PRKAR1B: variants seen among roughly 807,000 people sequenced by gnomAD.
PRKAR1B encodes the protein protein kinase cAMP-dependent type I regulatory subunit beta, also known as cAMP-dependent protein kinase type I-beta regulatory subunit.
PRKAR1B carries 22 observed loss-of-function variants against 46.5 expected under a neutral mutation model. The observed-to-expected ratio is 0.47, with a 90% CI of 0.34 to 0.68. The LOEUF (loss-of-function observed/expected upper bound fraction) is 0.68, where lower values mean the gene tolerates loss of function less well. PRKAR1B is among the 30% of genes least tolerant of loss of function. The pLI is 0.01. For missense variants in PRKAR1B, 445 were observed against 535.6 expected, an observed-to-expected ratio of 0.83 and a Z score of 1.67; for synonymous variants, 259 against 217.7, an observed-to-expected ratio of 1.19 and a Z score of -1.67.
chr7:583,511 C>T (rs534703141), intron 8 of PRKAR1B, among the ~76,000 whole-genome samples: 13 of 59,852 alleles, frequency 2.2e-4, no homozygotes, highest in East Asian at 6.0e-4. Context: ...CCATACACAC[C>T]CACACACGCG....
intron 2 of PRKAR1B, among the ~76,000 whole-genome samples, chr7:683,513 C>G (rs1185134492): frequency 1.3e-5 from 2 of 152,204 alleles, no homozygotes; most frequent in Non-Finnish European, 2.9e-5. Context: ...AGCCATTCCT[C>G]CTGTTCCAGG....
chr7:653,246 G>T (rs77306012), intron 4 of PRKAR1B, among the ~76,000 whole-genome samples: 9 of 152,174 alleles, frequency 5.9e-5, no homozygotes, highest in African/African-American at 1.9e-4. Context: ...CCAATGTCAA[G>T]TACACCATAG....
chr7:597,100 C>T (rs1198424202), intron 6 of PRKAR1B, among the ~76,000 whole-genome samples: 1 of 152,250 alleles, frequency 6.6e-6, no homozygotes, highest in South Asian at 2.1e-4. Context: ...ATGCAGATTC[C>T]GTTACTATAA....
chr7:607,836 A>G, intron 4 of PRKAR1B: 1 of 209,768 alleles, frequency 4.8e-6, no homozygotes, highest in East Asian at 1.6e-4. Flanking sequence ...AATCTTGATG[A>G]CATGTTTTCT....
At chr7:586,360 C>T (rs887863716) in intron 7 of PRKAR1B, among the ~76,000 whole-genome samples, 1 of 152,008 alleles carries the variant, frequency 6.6e-6, no homozygotes, top group South Asian at 2.1e-4. Context: ...ATAGGGCTGA[C>T]GGATCCAACT....
intron 4 of PRKAR1B, among the ~76,000 whole-genome samples, chr7:669,004 C>T (rs1452311950): frequency 6.6e-6 from 1 of 152,074 alleles, no homozygotes; most frequent in Non-Finnish European, 1.5e-5. Flanking sequence ...GCCCAGGAGA[C>T]TCAAACAGAC....
chr7:679,634 T>C lies in PRKAR1B; in HGVS notation c.348+922A>G, dbSNP rs539899380. 5.9e-5 allele frequency among the ~76,000 whole-genome samples: 9 copies of C among 152,322 alleles called. No individual in the cohort carries two copies. The South Asian group carries it at 1.7e-3, about 28-fold the overall frequency. On this transcript the variant is annotated intron_variant, in intron 3 of 10. Transcript: ENST00000537384. ...CAAGGTAAGAAGGTTCTGGAGATGG[T>C]GGTGGTGATGATTCCACAACAATGA...
rs1583236507 is a variant in PRKAR1B, at chr7:579,112, C to T, written c.891+144G>A. 7.1e-6 allele frequency: 11 copies of T among 1,541,620 alleles called. No individual in the cohort carries two copies. In the East Asian group the frequency reaches 2.3e-4, roughly 32 times the overall value. ...AATGTGAGGCCACAGACCACCCACCCCATGGAGGCCCCGGACGGGCGTGCG... is the reference window on the plus strand; with the variant it reads ...AATGTGAGGCCACAGACCACCCACCTCATGGAGGCCCCGGACGGGCGTGCG... On this transcript the variant is annotated intron_variant, in intron 9 of 10. Transcript: ENST00000537384.
At chr7:615,318 G>A (rs930893672) in intron 4 of PRKAR1B, among the ~76,000 whole-genome samples, 3 of 151,232 alleles carry the variant, frequency 2.0e-5, no homozygotes, top group Non-Finnish European at 4.4e-5. Flanking sequence ...CCAGCTACCC[G>A]GGAGGCTGAG....
intron 4 of PRKAR1B, among the ~76,000 whole-genome samples, chr7:614,300 G>A (rs944058933): frequency 2.6e-5 from 4 of 152,248 alleles, no homozygotes; most frequent in African/African-American, 7.2e-5. Context: ...TCAGCTCCAA[G>A]ATGGTGGAAC....
intron 9 of PRKAR1B, among the ~76,000 whole-genome samples, chr7:564,516 G>A (rs942747569): frequency 1.3e-5 from 2 of 152,178 alleles, no homozygotes; most frequent in African/African-American, 4.8e-5. Flanking sequence ...TCCTCTCCAC[G>A]TGGGCAGTCA....
Position 633,410 on chromosome 7 carries a change from C to G in PRKAR1B, c.441-25958G>C, listed in dbSNP as rs539712283. Among the ~76,000 whole-genome samples, 34 of 152,266 alleles carry G rather than the reference C, an allele frequency of 2.2e-4. No homozygotes were observed. The South Asian group carries it at 7.1e-3, about 32-fold the overall frequency. On this transcript the variant is annotated intron_variant, in intron 4 of 10. Coordinates refer to ENST00000537384, the MANE Select transcript of PRKAR1B (RefSeq NM_001164760.2). ...GAAGGCGGCAAGACTTCTGTAATAT[C>G]CCACGACTTGGGAGCCATATTAGTA...
At chr7:720,748 A>C (rs962148839) in intron 1 of PRKAR1B, among the ~76,000 whole-genome samples, 1 of 152,166 alleles carries the variant, frequency 6.6e-6, no homozygotes, top group African/African-American at 2.4e-5. Context: ...TTTCCCAAGG[A>C]ATTTCAACAG....
In PRKAR1B at chr7:714,319, G is replaced by A. The variant is rs947714219; in HGVS notation, c.-22-2792C>T. Among the ~76,000 whole-genome samples the A allele has an allele frequency of 3.9e-5, 6 of 152,142 alleles. No individual in the cohort carries two copies. The highest frequency in any genetic ancestry group is 1.4e-4 in the African/African-American group (6 of 41,428). ...GGCACCTCTCTGGCTGACCTCACAGGACAGCCCTCTGATCCCGAGGCGCAC... is the reference window on the plus strand; with the variant it reads ...GGCACCTCTCTGGCTGACCTCACAGAACAGCCCTCTGATCCCGAGGCGCAC... On this transcript the variant is annotated intron_variant, in intron 1 of 10. Coordinates refer to ENST00000537384, the MANE Select transcript of PRKAR1B (RefSeq NM_001164760.2). This position sits in a 1 kb window ranked among gnomAD's most constrained non-coding sequence, Gnocchi z 4.3.
intron 9 of PRKAR1B, among the ~76,000 whole-genome samples, chr7:561,796 G>A (rs1289528811): frequency 1.3e-5 from 2 of 152,256 alleles, no homozygotes; most frequent in African/African-American, 2.4e-5. Flanking sequence ...AGCAGCTTCC[G>A]TGGGAAACAA....
intron 1 of PRKAR1B, among the ~76,000 whole-genome samples, chr7:712,122 G>A (rs1250172361): frequency 1.3e-5 from 2 of 151,518 alleles, no homozygotes; most frequent in African/African-American, 2.4e-5. Context: ...CCATGGCCAG[G>A]CCAGGCCGGC....
At chr7:618,207 G>C (rs534835329) in intron 4 of PRKAR1B, among the ~76,000 whole-genome samples, 4 of 152,160 alleles carry the variant, frequency 2.6e-5, no homozygotes, top group Non-Finnish European at 4.4e-5. Context: ...GTCCTGCTGG[G>C]GCCACAGGGC....
At chr7:637,180 G>A (rs964388530) in intron 4 of PRKAR1B, among the ~76,000 whole-genome samples, 5 of 152,142 alleles carry the variant, frequency 3.3e-5, no homozygotes, top group African/African-American at 4.8e-5. Context: ...CCGGCTCCTC[G>A]GGAGGCTGAG....
intron 9 of PRKAR1B, among the ~76,000 whole-genome samples, chr7:559,387 G>C (rs1778646690): frequency 6.6e-6 from 1 of 152,206 alleles, no homozygotes; most frequent in South Asian, 2.1e-4. Flanking sequence ...GCTGGAGCAG[G>C]GGGCAGGGCC....
Sources: allele counts gnomAD v4.1 joint callset (sites outside exome capture counted in the v4.1 genomes callset), GRCh38; gene constraint gnomAD v4.1.1; non-coding constraint Gnocchi (gnomAD v3.1); transcripts MANE v1.5; gene names NCBI Gene and HGNC (gene_info 2026-07-23, HGNC 2026-07-21).